The following TRIOBP variants were observed in gnomAD, a reference collection of about 807,000 sequenced individuals.
TRIOBP encodes the protein TRIO and F-actin-binding protein.
TRIOBP carries 169 observed loss-of-function variants against 238.8 expected under a neutral mutation model. The ratio of observed to expected loss-of-function variants is 0.71; its 90% confidence interval spans 0.62 to 0.80. TRIOBP has a LOEUF of 0.80. Ranked by LOEUF, TRIOBP falls within the 30% of genes least tolerant of loss-of-function variation. TRIOBP has a pLI of 0.00. For missense variants in TRIOBP, 2,838 were observed against 3,122.6 expected (o/e 0.91, Z 2.17); for synonymous variants, 1,150 against 1,274.4 (o/e 0.90, Z 2.08).
Position 37,755,196 on chromosome 22 carries a change from G to A in TRIOBP, c.5577+6G>A. On this transcript the variant is annotated splice_donor_region_variant and intron_variant, in intron 14 of 23. Coordinates refer to ENST00000644935, the MANE Select transcript of TRIOBP (RefSeq NM_001039141.3). ...ACTATGGCTTCCAGATCCACGTGAG[G>A]CTGTGTGCAGCTTGGGGGCTGGTGG... 6.2e-7 allele frequency: 1 copy of A among 1,609,056 alleles called. No individual in the cohort carries two copies. The highest frequency in any genetic ancestry group is 8.5e-7 in the Non-Finnish European group (1 of 1,177,734).
In TRIOBP at chr22:37,759,150, G is replaced by A. The variant is rs757520034; in HGVS notation, c.6214-4G>A. 6 of 1,609,180 alleles carry A rather than the reference G, an allele frequency of 3.7e-6. No homozygotes were observed. Among genetic ancestry groups the A allele is most frequent in the African/African-American group, 1.3e-5 (1 of 74,836 alleles). ...GTCCCACTGACCACCCTTCTCCCTC[G>A]TAGGTTCAGGCTCTTCGGGCCCAGC... On this transcript the variant is annotated splice_polypyrimidine_tract_variant and splice_region_variant and intron_variant, in intron 16 of 23. Transcript: ENST00000644935.
rs1178754465 is a variant in TRIOBP, at chr22:37,725,825, A to G, written c.3269A>G (p.Asp1090Gly). ...TQFDPFPFLP[D>G]TSDAEHQCQS... ...TTTGACCCCTTCCCCTTCCTCCCAG[A>G]CACATCAGATGCCGAGCATCAGTGT... The change falls in exon 7 of 24, where the codon GAC (aspartate) becomes GGC (glycine). Residue 1090 changes from aspartate to glycine, a missense_variant. Transcript: ENST00000644935. 1.3e-6 allele frequency: 2 copies of G among 1,580,872 alleles called. No homozygotes were observed. The highest frequency in any genetic ancestry group is 1.7e-6 in the Non-Finnish European group (2 of 1,168,114).
chr22:37,748,537 G>C (rs1925402543), intron 11 of TRIOBP, among the ~76,000 whole-genome samples: 1 of 152,020 alleles, frequency 6.6e-6, no homozygotes, highest in Admixed American at 6.6e-5. Context: ...ACAGCTCTTG[G>C]TCACAGCTAA....
chr22:37,721,896 G>T (rs528397191), intron 6 of TRIOBP, among the ~76,000 whole-genome samples: 93 of 152,326 alleles, frequency 6.1e-4, no homozygotes, highest in Non-Finnish European at 1.2e-3. Flanking sequence ...GGATTGAGCG[G>T]GGTGGAGGGT....
intron 5 of TRIOBP, among the ~76,000 whole-genome samples, chr22:37,715,448 T>G (rs1923463005): frequency 6.6e-6 from 1 of 152,088 alleles, no homozygotes; most frequent in East Asian, 1.9e-4. Flanking sequence ...GTTCACACCA[T>G]TCTCCTGCCT....
intron 3 of TRIOBP, among the ~76,000 whole-genome samples, chr22:37,702,431 T>C (rs1922698513): frequency 6.6e-6 from 1 of 152,006 alleles, no homozygotes; most frequent in African/African-American, 2.4e-5. Flanking sequence ...CTTAAACTCC[T>C]GACCTCAGGT....
chr22:37,719,997 GC>G (rs1555895425), intron 6 of TRIOBP, among the ~76,000 whole-genome samples: 1 of 46,304 alleles, frequency 2.2e-5, no homozygotes, highest in Non-Finnish European at 3.5e-5. Flanking sequence ...ATCCCCCCCC[GC>G]CCTTTTTTTT....
At position 37,710,467 on chromosome 22, in the gene TRIOBP, A is replaced by T. The variant is rs760114064; in HGVS notation, c.155A>T (p.Asp52Val). 51 of 1,613,220 alleles carry T rather than the reference A, an allele frequency of 3.2e-5. No homozygotes were observed. The highest frequency in any genetic ancestry group is 4.2e-5 in the Non-Finnish European group (50 of 1,179,978). Reference protein sequence around the residue: ...SPSGAEVPYCDLPRCPPAPED... With the variant: ...SPSGAEVPYCVLPRCPPAPED... The stretch of plus-strand genomic sequence containing the variant: ...TCAGGTGCTGAGGTGCCCTACTGCG[A>T]CCTGCCTCGATGTCCACCTGCCCCT... Residue 52 changes from aspartate to valine, a missense_variant, in exon 4 of 24, where the codon GAC becomes GTC. Coordinates refer to ENST00000644935, the MANE Select transcript of TRIOBP (RefSeq NM_001039141.3).
rs761389024 is a variant in TRIOBP at position 37,725,181 on chromosome 22, G to A, written c.2625G>A (p.Lys875=). ...GTSSSQCCTQ[K]ENLRPSSPHR... ...CCTCATCTCAATGCTGCACCCAAAA[G>A]GAGAATCTGAGACCATCATCTCCCC... is the stretch of plus-strand genomic sequence containing the variant. The change falls in exon 7 of 24, where the codon AAG becomes AAA. Residue 875 remains lysine (K), a synonymous_variant. Coordinates refer to ENST00000644935, the MANE Select transcript of TRIOBP (RefSeq NM_001039141.3). The A allele has an allele frequency of 1.9e-6, 3 of 1,613,978 alleles. No individual in the cohort carries two copies. The Admixed American group carries it at 5.0e-5, about 27-fold the overall frequency.
intron 11 of TRIOBP, among the ~76,000 whole-genome samples, chr22:37,745,004 A>G (rs1221063224): frequency 2.0e-5 from 3 of 152,010 alleles, no homozygotes; most frequent in African/African-American, 7.3e-5. Flanking sequence ...TAGCTGGATT[A>G]CAGGCGCCTG....
Position 37,735,250 on chromosome 22 carries a change from A to C in TRIOBP, c.4914A>C (p.Pro1638=), listed in dbSNP as rs1281310760. The change falls in exon 9 of 24, where the codon CCA becomes CCC. Residue 1638 remains proline, a synonymous_variant. Coordinates refer to ENST00000644935, the MANE Select transcript of TRIOBP (RefSeq NM_001039141.3). ...CAGAAGGCTGGGCCGAGGCCACCCC[A>C]GTCAATGGACACAGCCCCGCACTGC... ...SQPEGWAEAT[P]VNGHSPALQS... The C allele has an allele frequency of 6.2e-7, 1 of 1,604,042 alleles. No homozygotes were observed.
At chr22:37,746,336 G>A in intron 11 of TRIOBP, 3 of 1,162,212 alleles carry the variant, frequency 2.6e-6, no homozygotes, top group South Asian at 8.3e-5. Flanking sequence ...GCGGCGGCGG[G>A]GTTCCCGCGC....
rs368616544 is a variant in TRIOBP at position 37,768,918 on chromosome 22, C to T, written c.6576-110C>T. 8.6e-6 allele frequency: 13 copies of T among 1,517,418 alleles called. No homozygotes were observed. In the African/African-American group the frequency reaches 1.8e-4, roughly 21 times the overall value. The allele number at this position is 1,517,418 out of a possible 1,614,324, so 94.0% of individuals were successfully genotyped here. ...GCCCCACAGCAGGCTAAAGGCAAAC[C>T]TAGAGAGGGAACCCCAGAGTCCTGG... is the stretch of plus-strand genomic sequence containing the variant. On this transcript the variant is annotated intron_variant, in intron 19 of 23. Transcript: ENST00000644935.
chr22:37,703,600 G>T (rs1459272306), intron 3 of TRIOBP, among the ~76,000 whole-genome samples: 1 of 151,108 alleles, frequency 6.6e-6, no homozygotes, highest in Admixed American at 6.6e-5. Context: ...GGCCTCCCAG[G>T]TTTATGCCAT....
In TRIOBP at chr22:37,710,338, G is replaced by A. The variant is rs955107617; in HGVS notation, c.115-89G>A. The stretch of plus-strand genomic sequence containing the variant: ...AGGATCCCCCGAGGAGATGCCTGGA[G>A]ACTCCCACGCCACCGGGAGGGGCTG... On this transcript the variant is annotated intron_variant, in intron 3 of 23. Coordinates refer to ENST00000644935, the MANE Select transcript of TRIOBP (RefSeq NM_001039141.3). The A allele has an allele frequency of 1.9e-6, 3 of 1,576,066 alleles. No homozygotes were observed. The African/African-American group carries it at 4.0e-5, about 21-fold the overall frequency.
chr22:37,776,070 C>G lies in TRIOBP; in HGVS notation c.*2290C>G, dbSNP rs904481698. 1 of 152,386 alleles carries G rather than the reference C, an allele frequency of 6.6e-6. No individual in the cohort carries two copies. Among genetic ancestry groups the G allele is most frequent in the East Asian group, 1.9e-4 (1 of 5,184 alleles). The allele number at this position is 152,386 out of a possible 1,614,324, so 9.4% of individuals were successfully genotyped here. ...CAGCTCTCCATCCCATCCTCTGCCT[C>G]CCTTCTAGCCTCAACCTAACTCAGG... On this transcript the variant is annotated 3_prime_UTR_variant, in exon 24 of 24. Coordinates refer to ENST00000644935, the MANE Select transcript of TRIOBP (RefSeq NM_001039141.3).
Position 37,772,587 on chromosome 22 carries a change from C to T in TRIOBP, c.6937-14C>T, listed in dbSNP as rs1213153447. On this transcript the variant is annotated splice_polypyrimidine_tract_variant and intron_variant, in intron 22 of 23. Coordinates refer to ENST00000644935, the MANE Select transcript of TRIOBP (RefSeq NM_001039141.3). Reference sequence around the variant, plus strand: ...AGAGACTTCATGCCCTCATACCTGCCTCCTGCCCCCCAGGACAAGCGCTTC... The same window carrying T: ...AGAGACTTCATGCCCTCATACCTGCTTCCTGCCCCCCAGGACAAGCGCTTC... The T allele has an allele frequency of 1.2e-6, 2 of 1,614,036 alleles. No homozygotes were observed. Among genetic ancestry groups the T allele is most frequent in the Admixed American group, 1.7e-5 (1 of 60,020 alleles).
intron 17 of TRIOBP, 84 bp downstream of exon 17, chr22:37,759,348 C>G: frequency 7.0e-7 from 1 of 1,431,644 alleles, no homozygotes; most frequent in Non-Finnish European, 9.9e-7. Context: ...ATTTTGGGAG[C>G]CCTTCCTGTG....
chr22:37,766,729 G>A (rs1926511106), intron 18 of TRIOBP, among the ~76,000 whole-genome samples: 1 of 152,224 alleles, frequency 6.6e-6, no homozygotes, highest in Non-Finnish European at 1.5e-5. Flanking sequence ...GGGAGGCTGA[G>A]GCGGGCAGAT....
Sources: allele counts gnomAD v4.1 joint callset (sites outside exome capture counted in the v4.1 genomes callset), GRCh38; gene constraint gnomAD v4.1.1; transcripts MANE v1.5; gene names NCBI Gene and HGNC (gene_info 2026-07-23, HGNC 2026-07-21).